RIMS1: variants seen among roughly 807,000 people sequenced by gnomAD.
The protein encoded by RIMS1 is regulating synaptic membrane exocytosis protein 1.
A neutral mutation model predicts 214.1 loss-of-function variants in RIMS1; 83 were observed. The ratio of observed to expected loss-of-function variants is 0.39; its 90% CI spans 0.32 to 0.47. The LOEUF (loss-of-function observed/expected upper bound fraction) is 0.47, where lower values mean the gene tolerates loss of function less well. Among genes scored for constraint, RIMS1 ranks in the 20% least tolerant of loss-of-function variants. The pLI is 0.99. For synonymous variants in RIMS1, 793 were observed against 786.8 expected (o/e 1.01, Z -0.13); for missense variants, 2,050 against 2,161.8 (o/e 0.95, Z 1.03).
chr6:72,117,328 A>AGTC (rs1448295948), intron 4 of RIMS1, among the ~76,000 whole-genome samples: 1 of 152,024 alleles, frequency 6.6e-6, no homozygotes, highest in Non-Finnish European at 1.5e-5. Context: ...ACTGCCAATC[A>AGTC]GTCCTAAGTG....
At chr6:72,264,792 A>G (rs1006173814) in intron 19 of RIMS1, among the ~76,000 whole-genome samples, 183 bp from the exon 20 acceptor site, 2 of 152,108 alleles carry the variant, frequency 1.3e-5, no homozygotes, top group African/African-American at 2.4e-5. Context: ...TCAAGTGTCT[A>G]TGATTTCATA....
At chr6:72,227,180 TAATG>T in intron 6 of RIMS1, among the ~76,000 whole-genome samples, 1 of 152,022 alleles carries the variant, frequency 6.6e-6, no homozygotes, top group Non-Finnish European at 1.5e-5. Flanking sequence ...AATTAAAACA[TAATG>T]AAGTTTTGTT....
At chr6:72,387,394 A>G (rs1476014371) in intron 29 of RIMS1, among the ~76,000 whole-genome samples, 1 of 152,196 alleles carries the variant, frequency 6.6e-6, no homozygotes, top group East Asian at 1.9e-4. Context: ...CTTGTAATTC[A>G]TCTTGGCTCA....
At chr6:72,372,684 T>C (rs1554610465) in intron 29 of RIMS1, among the ~76,000 whole-genome samples, 1 of 152,230 alleles carries the variant, frequency 6.6e-6, no homozygotes, top group Non-Finnish European at 1.5e-5. Flanking sequence ...TCTCCCTGTT[T>C]CTAAGAACAT....
intron 2 of RIMS1, among the ~76,000 whole-genome samples, chr6:72,003,333 G>A (rs1003379486): frequency 2.6e-5 from 4 of 151,742 alleles, no homozygotes; most frequent in Non-Finnish European, 5.9e-5. Flanking sequence ...ATATTTCTTG[G>A]TATCCGATTT....
chr6:72,146,521 A>G (rs2042776426), intron 4 of RIMS1, among the ~76,000 whole-genome samples: 2 of 152,216 alleles, frequency 1.3e-5, no homozygotes, highest in Admixed American at 6.5e-5. Context: ...AATTTTTGTT[A>G]AAGAGAAGGT....
chr6:72,294,065 A>G (rs996461517), intron 26 of RIMS1, among the ~76,000 whole-genome samples: 1 of 151,582 alleles, frequency 6.6e-6, no homozygotes, highest in East Asian at 1.9e-4. Flanking sequence ...AATAAAAGAG[A>G]CCTGGTTGGT....
At chr6:72,373,226 G>A (rs867927609) in intron 29 of RIMS1, among the ~76,000 whole-genome samples, 13 of 152,138 alleles carry the variant, frequency 8.5e-5, no homozygotes, top group Middle Eastern at 3.4e-3. Context: ...TGAATTTCAG[G>A]GTTTTCAGCT....
chr6:71,901,369 A>G (rs1189261385), intron 1 of RIMS1, among the ~76,000 whole-genome samples: 1 of 152,170 alleles, frequency 6.6e-6, no homozygotes, highest in African/African-American at 2.4e-5. Context: ...TCAGACGTCC[A>G]TCAGTAGAAT....
chr6:72,209,420 T>C (rs889739216), intron 6 of RIMS1, among the ~76,000 whole-genome samples: 3 of 152,196 alleles, frequency 2.0e-5, no homozygotes, highest in African/African-American at 7.2e-5. Flanking sequence ...AATATATTAA[T>C]TTCCCACATC....
Position 72,191,291 on chromosome 6 carries a change from G to A in RIMS1, c.1678+8142G>A, listed in dbSNP as rs2050029111. On this transcript the variant is annotated intron_variant, in intron 6 of 33. Coordinates refer to ENST00000521978, the MANE Select transcript of RIMS1 (RefSeq NM_014989.7). ...TGGTTGTAGAAGGTTGCCAAATGCA[G>A]CTATTTATCCTTTACCTTCCTTAGA... 2.0e-5 allele frequency among the ~76,000 whole-genome samples: 3 copies of A among 152,312 alleles called. No individual in the cohort carries two copies. In the South Asian group the frequency reaches 6.2e-4, roughly 32 times the overall value.
chr6:71,904,830 C>CT (rs1436069243), intron 1 of RIMS1, among the ~76,000 whole-genome samples: 1 of 152,072 alleles, frequency 6.6e-6, no homozygotes, highest in Non-Finnish European at 1.5e-5. Context: ...AATTACAAGT[C>CT]TATCTATAGA....
chr6:72,399,644 G>A (rs1596416755), intron 33 of RIMS1, among the ~76,000 whole-genome samples: 1 of 141,386 alleles, frequency 7.1e-6, no homozygotes. Flanking sequence ...TAACTAACAT[G>A]TGCAATAAGT....
intron 29 of RIMS1, among the ~76,000 whole-genome samples, chr6:72,369,992 G>A (rs567368196): frequency 6.6e-6 from 1 of 152,256 alleles, no homozygotes; most frequent in Non-Finnish European, 1.5e-5. Flanking sequence ...ATTAATTCTT[G>A]GAAGAAACCA....
At chr6:72,266,136 A>T in intron 22 of RIMS1, 87 bp downstream of exon 22, 1 of 915,476 alleles carries the variant, frequency 1.1e-6, no homozygotes, top group South Asian at 1.4e-5. Context: ...ACAGCCTTAC[A>T]GGTTTATTCA....
intron 2 of RIMS1, among the ~76,000 whole-genome samples, chr6:72,051,183 C>T (rs959566941): frequency 4.6e-5 from 7 of 152,130 alleles, no homozygotes; most frequent in African/African-American, 1.7e-4. Flanking sequence ...ACTGCTTTGT[C>T]TTCTTTTGCC....
chr6:72,292,094 C>T, intron 26 of RIMS1, 48 bp downstream of exon 26: 1 of 1,223,346 alleles, frequency 8.2e-7, no homozygotes. Context: ...GATTTGAGAA[C>T]CTCCTCTATT....
intron 6 of RIMS1, among the ~76,000 whole-genome samples, chr6:72,184,206 A>G (rs2048780649): frequency 6.6e-6 from 1 of 152,216 alleles, no homozygotes; most frequent in African/African-American, 2.4e-5. Flanking sequence ...CATGAGACCC[A>G]TACAGAGTGT....
At chr6:72,285,074 A>G (rs2091820104) in intron 24 of RIMS1, among the ~76,000 whole-genome samples, 1 of 152,190 alleles carries the variant, frequency 6.6e-6, no homozygotes, top group Admixed American at 6.5e-5. Flanking sequence ...TGGATAGAAA[A>G]GAGGCCTGAA....
Sources: allele counts gnomAD v4.1 joint callset (sites outside exome capture counted in the v4.1 genomes callset), GRCh38; gene constraint gnomAD v4.1.1; transcripts MANE v1.5; gene names NCBI Gene and HGNC (gene_info 2026-07-23, HGNC 2026-07-21).